Variants in LARS2 observed in about 807,000 individuals in gnomAD.
LARS2 encodes the protein leucyl-tRNA synthetase 2, mitochondrial.
A neutral mutation model predicts 116.6 loss-of-function variants in LARS2; 81 were observed. The observed-to-expected ratio is 0.69, with a 90% CI of 0.58 to 0.84. The LOEUF (loss-of-function observed/expected upper bound fraction) is 0.84. LARS2 is among the 40% of genes least tolerant of loss of function. The pLI is 0.00. For synonymous variants in LARS2, 396 were observed against 407.2 expected (o/e 0.97, Z 0.33); for missense variants, 968 against 1,114.5 (o/e 0.87, Z 1.87).
intron 6 of LARS2, among the ~76,000 whole-genome samples, chr3:45,440,607 G>C (rs1055893538): frequency 3.3e-5 from 5 of 152,022 alleles, no homozygotes; most frequent in Admixed American, 6.6e-5. Context: ...TTAAATTCCT[G>C]GTAGCTAACC....
chr3:45,395,275 G>T (rs970843155), intron 3 of LARS2, among the ~76,000 whole-genome samples: 1 of 152,190 alleles, frequency 6.6e-6, no homozygotes, highest in South Asian at 2.1e-4. Context: ...TGTGAACTGG[G>T]GTAGGGTCTA....
intron 7 of LARS2, among the ~76,000 whole-genome samples, chr3:45,450,429 T>C (rs1461688393): frequency 6.6e-6 from 1 of 151,996 alleles, no homozygotes; most frequent in African/African-American, 2.4e-5. Flanking sequence ...GCAGCCACCA[T>C]TCTACACTCT....
chr3:45,486,371 C>T (rs1699814457), intron 11 of LARS2, among the ~76,000 whole-genome samples: 3 of 152,144 alleles, frequency 2.0e-5, no homozygotes, highest in South Asian at 4.1e-4. Context: ...CTTACTCATT[C>T]GTGAGCATTC....
At chr3:45,503,437 C>A (rs991550519) in intron 15 of LARS2, among the ~76,000 whole-genome samples, 1 of 152,052 alleles carries the variant, frequency 6.6e-6, no homozygotes, top group African/African-American at 2.4e-5. Context: ...GGTTTGGTGT[C>A]CCATCTTTTG....
intron 20 of LARS2, among the ~76,000 whole-genome samples, chr3:45,527,614 A>G (rs1700550895): frequency 6.6e-6 from 1 of 150,410 alleles, no homozygotes; most frequent in Non-Finnish European, 1.5e-5. Flanking sequence ...ACAGAGCGAG[A>G]CTCCGTCTCA....
chr3:45,390,257 T>TAA (rs1181099508), intron 1 of LARS2, among the ~76,000 whole-genome samples: 6 of 152,250 alleles, frequency 3.9e-5, no homozygotes, highest in Non-Finnish European at 8.8e-5. Flanking sequence ...TCCTCTTTAT[T>TAA]AACCATTTAT....
intron 6 of LARS2, among the ~76,000 whole-genome samples, chr3:45,428,103 G>A (rs1227763210): frequency 6.6e-6 from 1 of 151,898 alleles, no homozygotes; most frequent in East Asian, 1.9e-4. Flanking sequence ...TTACAGGCGT[G>A]AGCCACCACG....
At chr3:45,427,158 C>T (rs143076493) in intron 6 of LARS2, among the ~76,000 whole-genome samples, 2 of 152,304 alleles carry the variant, frequency 1.3e-5, no homozygotes, top group African/African-American at 4.8e-5. Context: ...TCTTCTACAT[C>T]AGCCAGGTAC....
chr3:45,462,077 A>T lies in LARS2; in HGVS notation c.750+3191A>T, dbSNP rs114569777. 8.4e-3 allele frequency among the ~76,000 whole-genome samples: 1,280 copies of T among 152,338 alleles called. 16 individuals are homozygous for T. Among genetic ancestry groups the T allele is most frequent in the African/African-American group, 0.022 (902 of 41,574 alleles). ...ATAGATAAGATTGAGATGTTGAATC[A>T]GTTAGTAATGCTTTCGGCTGCAAGC... On this transcript the variant is annotated intron_variant, in intron 8 of 21. Transcript: ENST00000645846.
chr3:45,499,219 A>G (rs1700075657), intron 14 of LARS2, among the ~76,000 whole-genome samples: 1 of 152,192 alleles, frequency 6.6e-6, no homozygotes, highest in Non-Finnish European at 1.5e-5. Flanking sequence ...AGTTAGGCAG[A>G]TCACCTGAGG....
chr3:45,547,263 G>A (rs1244651601), intron 21 of LARS2, 88 bp from the exon 22 acceptor site: 36 of 1,189,258 alleles, frequency 3.0e-5, no homozygotes, highest in Middle Eastern at 4.4e-4. Flanking sequence ...ATGCAGCCAT[G>A]CCCTTTACAG....
intron 21 of LARS2, among the ~76,000 whole-genome samples, chr3:45,544,864 A>G (rs1039711484): frequency 3.9e-5 from 6 of 152,140 alleles, no homozygotes; most frequent in Non-Finnish European, 8.8e-5. Flanking sequence ...TACCAGGAAC[A>G]AACATAGGGG....
At chr3:45,523,902 G>T in intron 19 of LARS2, 95 bp from the exon 20 acceptor site, 1 of 874,106 alleles carries the variant, frequency 1.1e-6, no homozygotes. Context: ...CTTCCTACCA[G>T]CTTGTGTCTC....
intron 11 of LARS2, 28 bp downstream of exon 11, chr3:45,485,824 A>G (rs1699799264): frequency 1.1e-5 from 15 of 1,406,568 alleles, no homozygotes; most frequent in Non-Finnish European, 1.4e-5. Context: ...TGTAACCACA[A>G]CGGTATATTT....
intron 12 of LARS2, among the ~76,000 whole-genome samples, chr3:45,491,063 C>T (rs1043346784): frequency 1.3e-5 from 2 of 152,132 alleles, no homozygotes; most frequent in African/African-American, 2.4e-5. Context: ...AAATCCATAT[C>T]GTGCAGTTCT....
intron 7 of LARS2, among the ~76,000 whole-genome samples, chr3:45,455,370 G>A (rs913512612): frequency 1.3e-5 from 2 of 152,056 alleles, no homozygotes; most frequent in South Asian, 2.1e-4. Context: ...GATATACGGT[G>A]CTCTTTTTCT....
At chr3:45,411,096 C>T (rs1698323054) in intron 4 of LARS2, among the ~76,000 whole-genome samples, 1 of 152,188 alleles carries the variant, frequency 6.6e-6, no homozygotes, top group African/African-American at 2.4e-5. Flanking sequence ...ATCTAACTCA[C>T]AGACCCTGAC....
At chr3:45,411,767 T>C (rs1038523877) in intron 4 of LARS2, among the ~76,000 whole-genome samples, 3 of 152,032 alleles carry the variant, frequency 2.0e-5, no homozygotes, top group Non-Finnish European at 2.9e-5. Context: ...CCTGCCAGAG[T>C]TTACCTAGAT....
intron 11 of LARS2, among the ~76,000 whole-genome samples, chr3:45,486,894 T>G (rs546062152): frequency 1.1e-3 from 160 of 152,164 alleles, no homozygotes; most frequent in African/African-American, 3.6e-3. Context: ...ATATTGAGAG[T>G]TTTGAAGGAA....
Sources: gnomAD v4.1 joint callset for allele counts (sites outside exome capture counted in the v4.1 genomes callset) on GRCh38, gnomAD v4.1.1 for gene constraint, MANE v1.5 for transcripts, NCBI Gene and HGNC (gene_info 2026-07-23, HGNC 2026-07-21) for gene names.